The following SH3BGR variants were observed in gnomAD, a reference collection of about 807,000 sequenced individuals.
The protein encoded by SH3BGR is SH3 domain binding glutamate rich protein.
SH3BGR carries 29 observed loss-of-function variants against 24.5 expected under a neutral mutation model. That is an observed-to-expected ratio of 1.18 (90% CI 0.88 to 1.61). The LOEUF is 1.61. SH3BGR is among the 40% of genes most tolerant of loss of function. SH3BGR has a pLI of 0.00. For missense variants in SH3BGR, 162 were observed against 205.8 expected, an observed-to-expected ratio of 0.79 and a Z score of 1.30; for synonymous variants, 55 against 65.7, an observed-to-expected ratio of 0.84 and a Z score of 0.79.
chr21:39,509,153 A>C (rs1050185290), intron 5 of SH3BGR, 126 bp downstream of exon 5: 42 of 663,324 alleles, frequency 6.3e-5, no homozygotes, highest in Non-Finnish European at 9.2e-5. Context: ...ACACACCCAG[A>C]AAATCCTCCT....
chr21:39,482,089 T>A (rs2078139078), intron 3 of SH3BGR, among the ~76,000 whole-genome samples: 1 of 152,204 alleles, frequency 6.6e-6, no homozygotes, highest in African/African-American at 2.4e-5. Flanking sequence ...AAACGTGAAG[T>A]CCATAGTCTC....
At chr21:39,494,704 T>C (rs928334537) in intron 3 of SH3BGR, among the ~76,000 whole-genome samples, 1 of 152,056 alleles carries the variant, frequency 6.6e-6, no homozygotes, top group Non-Finnish European at 1.5e-5. Flanking sequence ...GTGTACTTAT[T>C]ATTATTGGGG....
At chr21:39,513,429 A>C (rs1411992663) in intron 6 of SH3BGR, among the ~76,000 whole-genome samples, 1 of 152,244 alleles carries the variant, frequency 6.6e-6, no homozygotes, top group Non-Finnish European at 1.5e-5. Context: ...TAATAGACTT[A>C]CAAAAAAAAG....
chr21:39,485,228 T>C (rs1253154178), intron 3 of SH3BGR, among the ~76,000 whole-genome samples: 1 of 152,232 alleles, frequency 6.6e-6, no homozygotes, highest in Non-Finnish European at 1.5e-5. Flanking sequence ...ATGTTTTCAA[T>C]TATGCCCTGG....
intron 1 of SH3BGR, among the ~76,000 whole-genome samples, chr21:39,460,614 C>T (rs946996121): frequency 5.3e-4 from 81 of 152,000 alleles, no homozygotes; most frequent in African/African-American, 1.9e-3. Context: ...AGATTTCAGG[C>T]GCATGCCACC....
intron 3 of SH3BGR, among the ~76,000 whole-genome samples, chr21:39,483,868 G>A (rs1778654519): frequency 6.6e-6 from 1 of 152,226 alleles, no homozygotes; most frequent in African/African-American, 2.4e-5. Flanking sequence ...TCCGAAAAGA[G>A]TTGATACCTC....
chr21:39,483,632 A>G (rs980095889), intron 3 of SH3BGR, among the ~76,000 whole-genome samples: 1 of 152,358 alleles, frequency 6.6e-6, no homozygotes, highest in East Asian at 1.9e-4. Flanking sequence ...CAGCTATAAA[A>G]TGAAGAGAGA....
At chr21:39,496,721 A>C (rs191028045) in intron 3 of SH3BGR, among the ~76,000 whole-genome samples, 26 of 152,252 alleles carry the variant, frequency 1.7e-4, no homozygotes, top group Admixed American at 8.5e-4. Context: ...TATCCCATTC[A>C]TGGTAGTGAT....
At chr21:39,490,085 A>C (rs1453936041) in intron 3 of SH3BGR, among the ~76,000 whole-genome samples, 2 of 152,270 alleles carry the variant, frequency 1.3e-5, no homozygotes, top group Non-Finnish European at 2.9e-5. Flanking sequence ...ATGGGAACCC[A>C]TGTATTGTGT....
chr21:39,447,298 TGAAAGGTAGAG>T (rs2077504100), upstream of SH3BGR, among the ~76,000 whole-genome samples: 1 of 152,120 alleles, frequency 6.6e-6, no homozygotes, highest in Non-Finnish European at 1.5e-5. Flanking sequence ...CTGGAGGAAT[TGAAAGGTAGAG>T]TTTCCTGAGA....
At chr21:39,505,152 G>T (rs573788390) in intron 4 of SH3BGR, among the ~76,000 whole-genome samples, 72 of 152,264 alleles carry the variant, frequency 4.7e-4, no homozygotes, top group Non-Finnish European at 8.4e-4. Context: ...CATTCTATGG[G>T]GGATTTGAAG....
intron 1 of SH3BGR, among the ~76,000 whole-genome samples, chr21:39,453,135 A>G (rs1377534179): frequency 6.6e-6 from 1 of 152,212 alleles, no homozygotes; most frequent in African/African-American, 2.4e-5. Context: ...GACAGCCCCA[A>G]AGGCAGCCGC....
chr21:39,451,712 G>C, upstream of SH3BGR: 3 of 682,846 alleles, frequency 4.4e-6, no homozygotes, highest in Non-Finnish European at 7.2e-6. Context: ...TGTTACCGGG[G>C]CCCCACCTCC....
downstream of SH3BGR, chr21:39,515,506 A>G (rs1462322189): frequency 6.5e-6 from 1 of 154,244 alleles, no homozygotes; most frequent in Non-Finnish European, 1.4e-5. Context: ...ATAGAAAAAT[A>G]TCTTGTCCCA....
chr21:39,462,487 T>C lies in SH3BGR; in HGVS notation c.158T>C (p.Val53Ala). The C allele has an allele frequency of 6.2e-7, 1 of 1,610,460 alleles. No individual in the cohort carries two copies. The highest frequency in any genetic ancestry group is 8.5e-7 in the Non-Finnish European group (1 of 1,179,242). Residue 53 changes from valine (V) to alanine (A), a missense_variant, in exon 2 of 7, where the codon GTT becomes GCT. Physicochemically the swap from Val to Ala is moderately conservative, Grantham distance 64. Coordinates refer to ENST00000333634, the MANE Select transcript of SH3BGR (RefSeq NM_007341.3). ...AACAGGAGGTGGATGAGAGAGAATG[T>C]TCCTGGAGAGAAAAAACCTCAAAAT... ...EDNRRWMREN[V>A]PGEKKPQNGI...
At chr21:39,476,872 CT>C (rs551143610) in intron 3 of SH3BGR, among the ~76,000 whole-genome samples, 11 of 151,924 alleles carry the variant, frequency 7.2e-5, no homozygotes, top group Non-Finnish European at 1.6e-4. Flanking sequence ...TTTGAAATGA[CT>C]TTTTTTTAAC....
intron 1 of SH3BGR, among the ~76,000 whole-genome samples, chr21:39,460,710 C>T (rs1386095947): frequency 6.6e-6 from 1 of 152,064 alleles, no homozygotes; most frequent in African/African-American, 2.4e-5. Flanking sequence ...CCTCGTGATC[C>T]ACCCACCTTG....
At chr21:39,497,163 A>T (rs1457197726) in intron 3 of SH3BGR, among the ~76,000 whole-genome samples, 1 of 150,584 alleles carries the variant, frequency 6.6e-6, no homozygotes, top group East Asian at 1.9e-4. Context: ...ATATGTTTAT[A>T]TAAAATATTT....
chr21:39,447,217 GT>G (rs546614426), upstream of SH3BGR: 85 of 152,264 alleles, frequency 5.6e-4, no homozygotes, highest in African/African-American at 1.9e-3. Context: ...TTGGTGGGTG[GT>G]GGTGGCCCCA....
Sources: allele counts gnomAD v4.1 joint callset (sites outside exome capture counted in the v4.1 genomes callset), GRCh38; gene constraint gnomAD v4.1.1; transcripts MANE v1.5; gene names NCBI Gene and HGNC (gene_info 2026-07-23, HGNC 2026-07-21).